Variants in AGPAT4 observed in about 807,000 individuals in gnomAD.
The protein encoded by AGPAT4 is 1-acylglycerol-3-phosphate O-acyltransferase 4, also known as 1-acyl-sn-glycerol-3-phosphate acyltransferase delta.
AGPAT4 carries 15 observed loss-of-function variants against 48.0 expected under a neutral mutation model. The observed-to-expected ratio is 0.31, with a 90% CI of 0.21 to 0.48. The LOEUF (loss-of-function observed/expected upper bound fraction) is 0.48, where lower values mean the gene tolerates loss of function less well. Among genes scored for constraint, AGPAT4 ranks in the 20% least tolerant of loss-of-function variants. The pLI is 0.99. For synonymous variants in AGPAT4, 178 were observed against 198.7 expected, an observed-to-expected ratio of 0.90 and a Z score of 0.88; for missense variants, 314 against 482.5, an observed-to-expected ratio of 0.65 and a Z score of 3.27.
At position 161,212,704 on chromosome 6, in the gene AGPAT4, T is replaced by C. The variant is rs145810313; in HGVS notation, c.178+19332A>G. ...ACAAGGTAACAAATTTCCTTGTCAA[T>C]TGTGTCTTTCACTATGGCTACCCTA... On this transcript the variant is annotated intron_variant, in intron 2 of 8. Transcript: ENST00000320285. The surrounding 1 kb of genome is among the most constrained non-coding windows in gnomAD (Gnocchi z 6.1). Among the ~76,000 whole-genome samples the C allele has an allele frequency of 5.9e-5, 9 of 152,320 alleles. No individual in the cohort carries two copies. The highest frequency in any genetic ancestry group is 8.8e-5 in the Non-Finnish European group (6 of 68,020).
rs566906089 is a variant in AGPAT4, at chr6:161,177,959, A to G, written c.179-11542T>C. Among the ~76,000 whole-genome samples, 1 of 152,326 alleles carries G rather than the reference A, an allele frequency of 6.6e-6. No homozygotes were observed. Among genetic ancestry groups the G allele is most frequent in the South Asian group, 2.1e-4 (1 of 4,822 alleles). ...TGGGTATCACCAGTGGAGGCTGCAG[A>G]ACAGCAAATATTACAGAACAGCAAA... On this transcript the variant is annotated intron_variant, in intron 2 of 8. Transcript: ENST00000320285. The surrounding 1 kb of genome is among the most constrained non-coding windows in gnomAD (Gnocchi z 5.0).
Position 161,236,271 on chromosome 6 carries a change from GAAAA to G in AGPAT4, c.-89-3973_-89-3970del, listed in dbSNP as rs536877505. 7.1e-6 allele frequency among the ~76,000 whole-genome samples: 1 copy of G among 141,222 alleles called. No homozygotes were observed. The highest frequency in any genetic ancestry group is 1.5e-5 in the Non-Finnish European group (1 of 64,548). 92.6% of individuals were successfully genotyped at this position (141,222 alleles called of 152,430 possible). A position where few individuals can be genotyped will look rare whatever the true frequency, so the allele number is the denominator to read the frequency against. On this transcript the variant is annotated intron_variant, in intron 1 of 8. Transcript: ENST00000320285. The surrounding 1 kb of genome is among the most constrained non-coding windows in gnomAD (Gnocchi z 5.0). ...AGCTGCTGCTATGCCATATTTCTGCGAAAAAAAAAAAGATGTTTCTTACTATCAA... is the reference window on the plus strand; with the variant it reads ...AGCTGCTGCTATGCCATATTTCTGCGAAAAAAAGATGTTTCTTACTATCAA...
chr6:161,182,897 C>T (rs1780641349), intron 2 of AGPAT4, among the ~76,000 whole-genome samples: 1 of 152,170 alleles, frequency 6.6e-6, no homozygotes, highest in African/African-American at 2.4e-5. Context: ...CAGCTTCCCA[C>T]CCCATGGTGG....
At chr6:161,247,169 G>A (rs936774742) in intron 1 of AGPAT4, among the ~76,000 whole-genome samples, 4 of 152,236 alleles carry the variant, frequency 2.6e-5, no homozygotes, top group African/African-American at 9.6e-5. Context: ...TCAGATGTCG[G>A]TTGAGGAACA....
chr6:161,203,208 A>G (rs2115011849), intron 2 of AGPAT4, among the ~76,000 whole-genome samples: 1 of 152,168 alleles, frequency 6.6e-6, no homozygotes, highest in East Asian at 1.9e-4. Flanking sequence ...CTCTCCCATT[A>G]GGTTGTCGGA....
At position 161,232,759 on chromosome 6, in the gene AGPAT4, C is replaced by G. The variant is rs988157881; in HGVS notation, c.-89-457G>C. On this transcript the variant is annotated intron_variant, in intron 1 of 8. Transcript: ENST00000320285. The surrounding 1 kb of genome is among the most constrained non-coding windows in gnomAD (Gnocchi z 6.8). The stretch of plus-strand genomic sequence containing the variant: ...CCCACGCCATCTCCCTCCTCTCATT[C>G]TCCTCCTCCAGATCCCTGCTCACCC... 6.6e-6 allele frequency among the ~76,000 whole-genome samples: 1 copy of G among 152,150 alleles called. No homozygotes were observed. The highest frequency in any genetic ancestry group is 2.4e-5 in the African/African-American group (1 of 41,432).
intron 2 of AGPAT4, among the ~76,000 whole-genome samples, chr6:161,205,467 G>GA (rs557103161): frequency 3.2e-4 from 48 of 152,294 alleles, no homozygotes; most frequent in African/African-American, 1.1e-3. Flanking sequence ...TCAAAAGCCT[G>GA]AAAGAGCAGC....
rs1263372323 is a variant in AGPAT4, at chr6:161,133,131, T to C, written c.*3409A>G. 2.0e-5 allele frequency: 3 copies of C among 152,328 alleles called. No individual in the cohort carries two copies. The highest frequency in any genetic ancestry group is 6.5e-5 in the Admixed American group (1 of 15,308). The allele number at this position is 152,328 out of a possible 1,614,324, so 9.4% of individuals were successfully genotyped here. ...TCACTGGATACCTTGCTTCACACTT[T>C]GGTCAATATTTATGAATAAGTTCTA... On this transcript the variant is annotated 3_prime_UTR_variant, in exon 9 of 9. Coordinates refer to ENST00000320285, the MANE Select transcript of AGPAT4 (RefSeq NM_020133.3).
chr6:161,174,897 G>C (rs997022451), intron 2 of AGPAT4, among the ~76,000 whole-genome samples: 1 of 152,166 alleles, frequency 6.6e-6, no homozygotes, highest in Non-Finnish European at 1.5e-5. Context: ...TGCATCTCTT[G>C]AGATGATCGT....
In AGPAT4 at chr6:161,220,568, T is replaced by C. The variant is rs1432534407; in HGVS notation, c.178+11468A>G. ...GAGGAACCAAAGACTTGTTGCCCTC[T>C]TTTTGGCCAAACAAAGACGCTGCCA... On this transcript the variant is annotated intron_variant, in intron 2 of 8. Coordinates refer to ENST00000320285, the MANE Select transcript of AGPAT4 (RefSeq NM_020133.3). The surrounding 1 kb of genome is among the most constrained non-coding windows in gnomAD (Gnocchi z 6.0). Among the ~76,000 whole-genome samples the C allele has an allele frequency of 2.0e-5, 3 of 152,164 alleles. No homozygotes were observed. Among genetic ancestry groups the C allele is most frequent in the Non-Finnish European group, 2.9e-5 (2 of 68,022 alleles).
rs968076915 is a variant in AGPAT4, at chr6:161,214,503, T to G, written c.178+17533A>C. 1.3e-5 allele frequency among the ~76,000 whole-genome samples: 2 copies of G among 152,160 alleles called. No individual in the cohort carries two copies. Among genetic ancestry groups the G allele is most frequent in the Admixed American group, 6.5e-5 (1 of 15,276 alleles). ...ACATAGGGCTGGGCATGGTGGCTCA[T>G]GCCTGTAATCCCAGCCCTTTGGGAG... On this transcript the variant is annotated intron_variant, in intron 2 of 8. Transcript: ENST00000320285. The surrounding 1 kb of genome is among the most constrained non-coding windows in gnomAD (Gnocchi z 5.4).
At chr6:161,210,446 C>T (rs2180350) in intron 2 of AGPAT4, among the ~76,000 whole-genome samples, 24,082 of 152,104 alleles carry the variant, frequency 0.16, 2,879 homozygotes, top group African/African-American at 0.3. Flanking sequence ...AGATGTACTT[C>T]TATCGGCATG....
At chr6:161,186,615 T>C (rs896612246) in intron 2 of AGPAT4, among the ~76,000 whole-genome samples, 32 of 152,080 alleles carry the variant, frequency 2.1e-4, no homozygotes, top group Admixed American at 6.5e-4. Context: ...GTCTCATGCC[T>C]TGCCGCCACT....
In AGPAT4 at chr6:161,261,519, C is replaced by T. The variant is rs1052015608; in HGVS notation, c.-90+12419G>A. ...CACCACACTGCTCCAGGGAAACGCC[C>T]GGCTCACGGCTGACTCATGATGGGA... On this transcript the variant is annotated intron_variant, in intron 1 of 8. Coordinates refer to ENST00000320285, the MANE Select transcript of AGPAT4 (RefSeq NM_020133.3). This position sits in a 1 kb window ranked among gnomAD's most constrained non-coding sequence, Gnocchi z 5.3. Among the ~76,000 whole-genome samples the T allele has an allele frequency of 3.9e-5, 6 of 152,162 alleles. No homozygotes were observed. Among genetic ancestry groups the T allele is most frequent in the Non-Finnish European group, 8.8e-5 (6 of 68,040 alleles).
Position 161,229,470 on chromosome 6 carries a change from A to G in AGPAT4, c.178+2566T>C, listed in dbSNP as rs1378371075. Reference sequence around the variant, plus strand: ...GATCAGTGGCCCAGCAAGGCTTCCTAAACACTCTTTTTACATGGCCTTGGT... The same window carrying G: ...GATCAGTGGCCCAGCAAGGCTTCCTGAACACTCTTTTTACATGGCCTTGGT... On this transcript the variant is annotated intron_variant, in intron 2 of 8. Transcript: ENST00000320285. This position sits in a 1 kb window ranked among gnomAD's most constrained non-coding sequence, Gnocchi z 6.0. Among the ~76,000 whole-genome samples, 1 of 152,112 alleles carries G rather than the reference A, an allele frequency of 6.6e-6. No individual in the cohort carries two copies. Among genetic ancestry groups the G allele is most frequent in the East Asian group, 1.9e-4 (1 of 5,166 alleles).
rs1458370831 is a variant in AGPAT4, at chr6:161,234,408, G to A, written c.-89-2106C>T. Among the ~76,000 whole-genome samples the A allele has an allele frequency of 6.6e-6, 1 of 152,078 alleles. No individual in the cohort carries two copies. Among genetic ancestry groups the A allele is most frequent in the Non-Finnish European group, 1.5e-5 (1 of 68,026 alleles). ...CTGGCACAAATCCAGGCCCTGCAGG[G>A]TCTGAATCATCACATCTCTGGCCTT... is the stretch of plus-strand genomic sequence containing the variant. On this transcript the variant is annotated intron_variant, in intron 1 of 8. Coordinates refer to ENST00000320285, the MANE Select transcript of AGPAT4 (RefSeq NM_020133.3). This position sits in a 1 kb window ranked among gnomAD's most constrained non-coding sequence, Gnocchi z 4.4.
rs552304226 is a variant in AGPAT4, at chr6:161,178,651, G to A, written c.179-12234C>T. Among the ~76,000 whole-genome samples, 1 of 152,292 alleles carries A rather than the reference G, an allele frequency of 6.6e-6. No individual in the cohort carries two copies. The highest frequency in any genetic ancestry group is 1.9e-4 in the East Asian group (1 of 5,178). Reference sequence around the variant, plus strand: ...TGCACCCACTGTCCGACAAGCCCCAGTGAGATGAACCTGGTACCTCAGTTG... The same window carrying A: ...TGCACCCACTGTCCGACAAGCCCCAATGAGATGAACCTGGTACCTCAGTTG... On this transcript the variant is annotated intron_variant, in intron 2 of 8. Transcript: ENST00000320285. This position sits in a 1 kb window ranked among gnomAD's most constrained non-coding sequence, Gnocchi z 5.1.
rs2114945128 is a variant in AGPAT4, at chr6:161,135,292, C to G, written c.*1248G>C. On this transcript the variant is annotated 3_prime_UTR_variant, in exon 9 of 9. Coordinates refer to ENST00000320285, the MANE Select transcript of AGPAT4 (RefSeq NM_020133.3). The stretch of plus-strand genomic sequence containing the variant: ...ACTCATGCTCCAAATACCTATCGGT[C>G]CAAGTGCCATTGGTGTCTTGGCCTA... The G allele has an allele frequency of 6.6e-6, 1 of 152,366 alleles. No individual in the cohort carries two copies. Among genetic ancestry groups the G allele is most frequent in the African/African-American group, 2.4e-5 (1 of 41,582 alleles). 9.4% of individuals were successfully genotyped at this position (152,366 alleles called of 1,614,324 possible).
rs1039126838 is a variant in AGPAT4, at chr6:161,169,386, C to T, written c.179-2969G>A. Among the ~76,000 whole-genome samples, 7 of 152,158 alleles carry T rather than the reference C, an allele frequency of 4.6e-5. No individual in the cohort carries two copies. The highest frequency in any genetic ancestry group is 1.3e-4 in the Admixed American group (2 of 15,282). ...CCAGGTGGGGGAAGACCAAATTTCC[C>T]ACTCACCTCAGCAGGCTGCTCACTA... On this transcript the variant is annotated intron_variant, in intron 2 of 8. Transcript: ENST00000320285. This position sits in a 1 kb window ranked among gnomAD's most constrained non-coding sequence, Gnocchi z 5.0.
Sources: gnomAD v4.1 joint callset for allele counts (sites outside exome capture counted in the v4.1 genomes callset) on GRCh38, gnomAD v4.1.1 for gene constraint, Gnocchi (gnomAD v3.1) non-coding constraint, MANE v1.5 for transcripts, NCBI Gene and HGNC (gene_info 2026-07-23, HGNC 2026-07-21) for gene names.